Variants in CASR observed in about 807,000 individuals in gnomAD.
The protein encoded by CASR is extracellular calcium-sensing receptor.
Under a neutral mutation model 69.1 loss-of-function variants are expected in CASR, and 23 were observed. That is an observed-to-expected ratio of 0.33 (90% CI 0.24 to 0.47). CASR has a LOEUF of 0.47. CASR is among the 20% of genes least tolerant of loss of function. The probability of loss-of-function intolerance (pLI) is 1.00; values close to 1 mark genes in which losing one functional copy is unlikely to be tolerated. For synonymous variants in CASR, 541 were observed against 544.7 expected (o/e 0.99, Z 0.10); for missense variants, 924 against 1,356.1 (o/e 0.68, Z 5.00).
chr3:122,187,206 G>T (rs1055580043), intron 1 of CASR, among the ~76,000 whole-genome samples: 1 of 152,110 alleles, frequency 6.6e-6, no homozygotes, highest in African/African-American at 2.4e-5. Context: ...AATAGGTGTG[G>T]CAGGTGGGCT....
At chr3:122,249,723 CA>C (rs2074463916) in intron 1 of CASR, among the ~76,000 whole-genome samples, 1 of 152,184 alleles carries the variant, frequency 6.6e-6, no homozygotes, top group Admixed American at 6.5e-5. Context: ...TGCAGGAAGG[CA>C]AACATGATTA....
At chr3:122,211,810 A>G (rs952270543) in intron 1 of CASR, among the ~76,000 whole-genome samples, 1 of 150,842 alleles carries the variant, frequency 6.6e-6, no homozygotes, top group African/African-American at 2.4e-5. Context: ...CATGAAAAAA[A>G]GTTCAACATC....
At chr3:122,229,533 T>G (rs993103138) in intron 1 of CASR, among the ~76,000 whole-genome samples, 15 of 150,210 alleles carry the variant, frequency 1.0e-4, no homozygotes, top group Non-Finnish European at 2.1e-4. Flanking sequence ...TGGTTTAGTT[T>G]ACTGTGTTAA....
At chr3:122,249,048 C>A (rs939498259) in intron 1 of CASR, among the ~76,000 whole-genome samples, 1 of 152,212 alleles carries the variant, frequency 6.6e-6, no homozygotes, top group Non-Finnish European at 1.5e-5. Flanking sequence ...CGTGGGGTGA[C>A]CCCTTCCTTG....
chr3:122,217,254 A>G (rs11720986), intron 1 of CASR, among the ~76,000 whole-genome samples: 109,616 of 151,420 alleles, frequency 0.72, 39,896 homozygotes, highest in Admixed American at 0.82. Context: ...ACATGCCACC[A>G]TGCCCGGTTA....
chr3:122,241,566 A>G (rs1009975690), intron 1 of CASR, among the ~76,000 whole-genome samples: 2 of 152,120 alleles, frequency 1.3e-5, no homozygotes, highest in African/African-American at 2.4e-5. Context: ...CTGGGACCCA[A>G]TGGCTTTACT....
Position 122,285,222 on chromosome 3 carries a change from T to C in CASR, c.*31T>C. 6.2e-7 allele frequency: 1 copy of C among 1,605,292 alleles called. No homozygotes were observed. Among genetic ancestry groups the C allele is most frequent in the Non-Finnish European group, 8.5e-7 (1 of 1,173,048 alleles). ...AAGGAGAAGACTGGGCTAGGGAGAA[T>C]GCAGAGAGGTTTCTTGGGGTCCCAG... On this transcript the variant is annotated 3_prime_UTR_variant, in exon 7 of 7. Coordinates refer to ENST00000639785, the MANE Select transcript of CASR (RefSeq NM_000388.4).
At chr3:122,262,978 G>A (rs1435781448) in intron 4 of CASR, among the ~76,000 whole-genome samples, 1 of 152,208 alleles carries the variant, frequency 6.6e-6, no homozygotes, top group Non-Finnish European at 1.5e-5. Context: ...TCAAAAAGAA[G>A]CACTGAAGTG....
chr3:122,270,790 A>T (rs1219226097), intron 4 of CASR, among the ~76,000 whole-genome samples: 1 of 152,100 alleles, frequency 6.6e-6, no homozygotes, highest in Non-Finnish European at 1.5e-5. Context: ...TTGGTTTCCA[A>T]GTTTCCAGTG....
intron 4 of CASR, among the ~76,000 whole-genome samples, chr3:122,263,256 T>A (rs907152072): frequency 8.5e-5 from 13 of 152,332 alleles, no homozygotes; most frequent in Admixed American, 8.5e-4. Context: ...TGAATTTGAA[T>A]GGAATGTGCC....
At chr3:122,270,886 T>C (rs2074750124) in intron 4 of CASR, among the ~76,000 whole-genome samples, 1 of 152,224 alleles carries the variant, frequency 6.6e-6, no homozygotes, top group African/African-American at 2.4e-5. Flanking sequence ...TATTTTTAAA[T>C]TTATTGAAAC....
chr3:122,227,659 C>A (rs960194215), intron 1 of CASR, among the ~76,000 whole-genome samples: 2 of 152,192 alleles, frequency 1.3e-5, no homozygotes, highest in Admixed American at 6.5e-5. Context: ...TCCTCAAGCA[C>A]GGCCACAGTG....
At position 122,254,297 on chromosome 3, in the gene CASR, G is replaced by T; in HGVS notation, c.108G>T (p.Gly36=). 6.2e-7 allele frequency: 1 copy of T among 1,614,132 alleles called. No homozygotes were observed. Among genetic ancestry groups the T allele is most frequent in the South Asian group, 1.1e-5 (1 of 91,086 alleles). ...AGAAGGGGGACATTATCCTTGGGGG[G>T]CTCTTTCCTATTCATTTTGGAGTAG... ...AQKKGDIILG[G]LFPIHFGVAA... The change falls in exon 2 of 7, where the codon GGG becomes GGT. Residue 36 remains glycine (G), a synonymous_variant. Transcript: ENST00000639785.
chr3:122,283,028 A>G (rs34139678), intron 6 of CASR, among the ~76,000 whole-genome samples: 43 of 152,316 alleles, frequency 2.8e-4, no homozygotes, highest in African/African-American at 1.0e-3. Flanking sequence ...TGTCAGTTGA[A>G]TGAGTCTGCA....
At chr3:122,241,780 A>T (rs866678912) in intron 1 of CASR, among the ~76,000 whole-genome samples, 2 of 152,148 alleles carry the variant, frequency 1.3e-5, no homozygotes. Context: ...AAAATCCTTT[A>T]AAAAATACTG....
chr3:122,212,941 C>A (rs1042567308), intron 1 of CASR, among the ~76,000 whole-genome samples: 2 of 152,090 alleles, frequency 1.3e-5, no homozygotes, highest in African/African-American at 4.8e-5. Context: ...AGTGCCTGGC[C>A]GATTTTCTAC....
intron 1 of CASR, among the ~76,000 whole-genome samples, chr3:122,230,812 A>G (rs2107608085): frequency 6.6e-6 from 1 of 152,352 alleles, no homozygotes; most frequent in African/African-American, 2.4e-5. Context: ...GGTGGGGACT[A>G]GAACCACCAT....
chr3:122,190,172 C>A (rs2073825966), intron 1 of CASR, among the ~76,000 whole-genome samples: 1 of 152,198 alleles, frequency 6.6e-6, no homozygotes. Flanking sequence ...TCCAATCATG[C>A]ACTCCTTTGG....
At chr3:122,190,293 A>G (rs1268430903) in intron 1 of CASR, among the ~76,000 whole-genome samples, 1 of 152,210 alleles carries the variant, frequency 6.6e-6, no homozygotes, top group Non-Finnish European at 1.5e-5. Context: ...TGAGGAGGCT[A>G]GGTGATCTTC....
Sources: allele counts gnomAD v4.1 joint callset (sites outside exome capture counted in the v4.1 genomes callset), GRCh38; gene constraint gnomAD v4.1.1; transcripts MANE v1.5; gene names NCBI Gene and HGNC (gene_info 2026-07-23, HGNC 2026-07-21).